The following SEMA5A variants were observed in gnomAD, a reference collection of about 807,000 sequenced individuals.
SEMA5A encodes semaphorin-5A.
SEMA5A carries 55 observed loss-of-function variants against 135.5 expected under a neutral mutation model. The ratio of observed to expected loss-of-function variants is 0.41; its 90% confidence interval spans 0.33 to 0.51. The LOEUF (loss-of-function observed/expected upper bound fraction) is 0.51, where lower values mean the gene tolerates loss of function less well. Ranked by LOEUF, SEMA5A falls within the 20% of genes least tolerant of loss-of-function variation. The pLI, the probability that SEMA5A is intolerant of heterozygous loss-of-function variation, is 0.37. For missense variants in SEMA5A, 1,290 were observed against 1,419.9 expected (o/e 0.91, Z 1.47); for synonymous variants, 580 against 546.5 (o/e 1.06, Z -0.85).
chr5:9,447,784 C>T (rs1408128596), intron 1 of SEMA5A, among the ~76,000 whole-genome samples: 1 of 152,180 alleles, frequency 6.6e-6, no homozygotes, highest in Non-Finnish European at 1.5e-5. Context: ...AGAGTTTACA[C>T]ATGTGGGGGA....
intron 1 of SEMA5A, among the ~76,000 whole-genome samples, chr5:9,518,736 T>G (rs573519413): frequency 1.3e-5 from 2 of 152,314 alleles, no homozygotes; most frequent in East Asian, 1.9e-4. Flanking sequence ...GTGCACTGCT[T>G]GATCTTAATG....
At chr5:9,094,127 G>T (rs778041517) in intron 16 of SEMA5A, among the ~76,000 whole-genome samples, 2 of 152,138 alleles carry the variant, frequency 1.3e-5, no homozygotes, top group Non-Finnish European at 2.9e-5. Context: ...CCTTGAGAAA[G>T]TTTACTGTAT....
At chr5:9,170,483 C>A (rs1031620372) in intron 11 of SEMA5A, among the ~76,000 whole-genome samples, 1 of 152,036 alleles carries the variant, frequency 6.6e-6, no homozygotes, top group African/African-American at 2.4e-5. Context: ...TTTGTGCCCC[C>A]CTACCCCCAG....
At chr5:9,336,922 A>G (rs1753417968) in intron 4 of SEMA5A, among the ~76,000 whole-genome samples, 1 of 152,232 alleles carries the variant, frequency 6.6e-6, no homozygotes, top group Non-Finnish European at 1.5e-5. Flanking sequence ...AGAGGAACCC[A>G]ATTCTACAAA....
chr5:9,496,616 A>G (rs1735315314), intron 1 of SEMA5A, among the ~76,000 whole-genome samples: 1 of 152,134 alleles, frequency 6.6e-6, no homozygotes, highest in African/African-American at 2.4e-5. Context: ...GTCTAATTCA[A>G]CCCAGCTGGG....
chr5:9,206,898 G>T (rs1407110164), intron 8 of SEMA5A, among the ~76,000 whole-genome samples: 2 of 149,804 alleles, frequency 1.3e-5, no homozygotes, highest in Non-Finnish European at 3.0e-5. Flanking sequence ...AAATTAAATG[G>T]GCTGATACAT....
At chr5:9,526,840 C>T (rs894860761) in intron 1 of SEMA5A, among the ~76,000 whole-genome samples, 1 of 152,310 alleles carries the variant, frequency 6.6e-6, no homozygotes, top group East Asian at 1.9e-4. Context: ...CTGTCAGTGA[C>T]TTCATAAGAC....
intron 1 of SEMA5A, among the ~76,000 whole-genome samples, chr5:9,445,971 C>T (rs1285722324): frequency 6.6e-6 from 1 of 152,174 alleles, no homozygotes; most frequent in East Asian, 1.9e-4. Flanking sequence ...ATGCCCAGAT[C>T]CAGCCTGAGA....
In SEMA5A at chr5:9,425,855, C is replaced by T. The variant is rs146890325; in HGVS notation, c.-78+11901G>A. Among the ~76,000 whole-genome samples, 34 of 152,234 alleles carry T rather than the reference C, an allele frequency of 2.2e-4. 1 individual carries two copies. In the East Asian group the frequency reaches 6.4e-3, roughly 29 times the overall value. On this transcript the variant is annotated intron_variant, in intron 2 of 22. Coordinates refer to ENST00000382496, the MANE Select transcript of SEMA5A (RefSeq NM_003966.3). ...CCTTTAGAAAATAAAAGGGGTAAAA[C>T]ACATGCTGCATTAAGAAGTTATATA...
chr5:9,299,010 C>A (rs1751474117), intron 5 of SEMA5A, among the ~76,000 whole-genome samples: 1 of 152,140 alleles, frequency 6.6e-6, no homozygotes, highest in Non-Finnish European at 1.5e-5. Context: ...GTCATTTGGA[C>A]AGGCTTGATA....
chr5:9,506,973 T>C (rs1158415391), intron 1 of SEMA5A, among the ~76,000 whole-genome samples: 1 of 136,728 alleles, frequency 7.3e-6, no homozygotes, highest in Non-Finnish European at 1.6e-5. Context: ...CTTTTAAGTT[T>C]GCTACAACCA....
chr5:9,544,595 G>C (rs1426286664), intron 1 of SEMA5A, among the ~76,000 whole-genome samples: 10 of 151,978 alleles, frequency 6.6e-5, no homozygotes, highest in Non-Finnish European at 1.3e-4. Context: ...CACTCGCCCA[G>C]GACCCAGCAA....
intron 1 of SEMA5A, among the ~76,000 whole-genome samples, chr5:9,525,782 G>A (rs991452525): frequency 3.9e-5 from 6 of 152,166 alleles, no homozygotes; most frequent in Non-Finnish European, 8.8e-5. Context: ...ACCAGACTGA[G>A]AAATTGTATC....
At chr5:9,370,419 A>G (rs536276010) in intron 3 of SEMA5A, among the ~76,000 whole-genome samples, 1 of 152,298 alleles carries the variant, frequency 6.6e-6, no homozygotes, top group East Asian at 1.9e-4. Flanking sequence ...TTAGCACACA[A>G]CATCACTGTG....
intron 15 of SEMA5A, among the ~76,000 whole-genome samples, chr5:9,116,177 A>G (rs1740503293): frequency 6.6e-6 from 1 of 152,198 alleles, no homozygotes; most frequent in African/African-American, 2.4e-5. Flanking sequence ...GGCCCCAAGC[A>G]GAGGATCTAG....
At chr5:9,425,857 C>T (rs187856912) in intron 2 of SEMA5A, among the ~76,000 whole-genome samples, 1 of 152,312 alleles carries the variant, frequency 6.6e-6, no homozygotes, top group East Asian at 1.9e-4. Flanking sequence ...GGGTAAAACA[C>T]ATGCTGCATT....
At chr5:9,271,745 G>A (rs2150541610) in intron 5 of SEMA5A, among the ~76,000 whole-genome samples, 1 of 152,238 alleles carries the variant, frequency 6.6e-6, no homozygotes, top group East Asian at 1.9e-4. Flanking sequence ...GCAGGGTGGG[G>A]CATCACTTCA....
At chr5:9,521,197 G>A (rs917052743) in intron 1 of SEMA5A, among the ~76,000 whole-genome samples, 151 of 152,240 alleles carry the variant, frequency 9.9e-4, no homozygotes, top group African/African-American at 3.4e-3. Context: ...ATCATTTGAG[G>A]TCAGGAGTTC....
At chr5:9,371,298 C>T (rs1435762743) in intron 3 of SEMA5A, among the ~76,000 whole-genome samples, 6 of 152,088 alleles carry the variant, frequency 3.9e-5, no homozygotes, top group Admixed American at 1.3e-4. Context: ...AAACCATTTT[C>T]GTCAGTCTAA....
Sources: gnomAD v4.1 joint callset for allele counts (sites outside exome capture counted in the v4.1 genomes callset) on GRCh38, gnomAD v4.1.1 for gene constraint, MANE v1.5 for transcripts, NCBI Gene and HGNC (gene_info 2026-07-23, HGNC 2026-07-21) for gene names.